The following SORCS2 variants were observed in gnomAD, a reference collection of about 807,000 sequenced individuals.
The protein encoded by SORCS2 is VPS10 domain-containing receptor SorCS2.
A neutral mutation model predicts 141.6 loss-of-function variants in SORCS2; 100 were observed. That is an observed-to-expected ratio of 0.71 (90% CI 0.60 to 0.83). The LOEUF (loss-of-function observed/expected upper bound fraction) is 0.83, where lower values mean the gene tolerates loss of function less well. Among genes scored for constraint, SORCS2 ranks in the 40% least tolerant of loss-of-function variants. SORCS2 has a pLI of 0.00. For synonymous variants in SORCS2, 789 were observed against 676.9 expected (o/e 1.17, Z -2.57); for missense variants, 1,646 against 1,560.2 (o/e 1.05, Z -0.93).
intron 2 of SORCS2, among the ~76,000 whole-genome samples, chr4:7,504,212 C>CT (rs1732146352): frequency 6.6e-6 from 1 of 152,222 alleles, no homozygotes; most frequent in Non-Finnish European, 1.5e-5. Flanking sequence ...AGCTCAAGCC[C>CT]TTTTCTCCTG....
intron 18 of SORCS2, among the ~76,000 whole-genome samples, chr4:7,720,531 C>T (rs191860018): frequency 2.0e-5 from 3 of 152,282 alleles, no homozygotes; most frequent in East Asian, 1.9e-4. Flanking sequence ...CAGCCACTTT[C>T]GCTCTGTGAA....
rs1242803363 is a variant in SORCS2 at position 7,740,332 on chromosome 4, C to A, written c.*68C>A. ...ACCACCAGCAAAGCCGGCGGCTGGACTGGCGCCCCTCAGAGACCTGCGGAA... is the reference window on the plus strand; with the variant it reads ...ACCACCAGCAAAGCCGGCGGCTGGAATGGCGCCCCTCAGAGACCTGCGGAA... On this transcript the variant is annotated 3_prime_UTR_variant, in exon 27 of 27. Coordinates refer to ENST00000507866, the MANE Select transcript of SORCS2 (RefSeq NM_020777.3). 11 of 1,445,458 alleles carry A rather than the reference C, an allele frequency of 7.6e-6. No homozygotes were observed. The African/African-American group carries it at 1.4e-4, about 18-fold the overall frequency. 89.5% of individuals were successfully genotyped at this position (1,445,458 alleles called of 1,614,324 possible).
chr4:7,579,553 C>A (rs554951494), intron 3 of SORCS2, among the ~76,000 whole-genome samples: 1 of 152,182 alleles, frequency 6.6e-6, no homozygotes, highest in Non-Finnish European at 1.5e-5. Context: ...TTTGGCTGCT[C>A]TCCTGGATTC....
At position 7,218,311 on chromosome 4, in the gene SORCS2, C is replaced by T. The variant is rs111763962; in HGVS notation, c.480+25185C>T. ...TGGATTCTAATCGCCTTCTTCTCCT[C>T]GATCACTTCAAGAATGGCCTCGGTA... is the stretch of plus-strand genomic sequence containing the variant. On this transcript the variant is annotated intron_variant, in intron 1 of 26. Transcript: ENST00000507866. Among the ~76,000 whole-genome samples the T allele has an allele frequency of 4.4e-3, 677 of 152,264 alleles. 10 individuals are homozygous for T. Among genetic ancestry groups the T allele is most frequent in the African/African-American group, 0.015 (634 of 41,536 alleles).
At chr4:7,433,893 AG>A (rs1356380694) in intron 2 of SORCS2, 1 of 1,613,826 alleles carries the variant, frequency 6.2e-7, no homozygotes, top group Non-Finnish European at 8.5e-7. Flanking sequence ...TGATAGAGGC[AG>A]GCATTACCGA....
chr4:7,559,784 A>G (rs1289290824), intron 3 of SORCS2, among the ~76,000 whole-genome samples: 1 of 152,224 alleles, frequency 6.6e-6, no homozygotes, highest in Non-Finnish European at 1.5e-5. Context: ...TACAAGATGA[A>G]CAAACGGCTC....
chr4:7,667,025 A>T lies in SORCS2; in HGVS notation c.1072-99A>T, dbSNP rs554336256. On this transcript the variant is annotated intron_variant, in intron 7 of 26. Transcript: ENST00000507866. The stretch of plus-strand genomic sequence containing the variant: ...ACAGGTAGAAGGAAAGTAAAAGGGC[A>T]TTTTCACTTGCTGAATATAACATGT... 1,820 of 1,086,610 alleles carry T rather than the reference A, an allele frequency of 1.7e-3. 3 individuals carry two copies. The highest frequency in any genetic ancestry group is 2.2e-3 in the Non-Finnish European group (1,553 of 717,268). The allele number at this position is 1,086,610 out of a possible 1,614,324, so 67.3% of individuals were successfully genotyped here. A position where few individuals can be genotyped will look rare whatever the true frequency, so the allele number is the denominator to read the frequency against.
intron 8 of SORCS2, among the ~76,000 whole-genome samples, chr4:7,674,534 A>G (rs1444488257): frequency 7.0e-6 from 1 of 142,430 alleles, no homozygotes; most frequent in African/African-American, 2.6e-5. Context: ...AGATTGCGCC[A>G]TTGCACTCCA....
intron 14 of SORCS2, among the ~76,000 whole-genome samples, chr4:7,710,674 T>C (rs2109031386): frequency 6.6e-6 from 1 of 152,246 alleles, no homozygotes; most frequent in East Asian, 1.9e-4. Context: ...GGCACCCTCA[T>C]CCCAATCACG....
chr4:7,424,487 C>CA (rs550606013), intron 2 of SORCS2, among the ~76,000 whole-genome samples: 2 of 152,194 alleles, frequency 1.3e-5, no homozygotes, highest in Non-Finnish European at 2.9e-5. Context: ...CGGGTCCACA[C>CA]AGTCCTCTGA....
chr4:7,461,324 T>C (rs1729294459), intron 2 of SORCS2, among the ~76,000 whole-genome samples: 1 of 152,128 alleles, frequency 6.6e-6, no homozygotes, highest in Admixed American at 6.5e-5. Flanking sequence ...CCTTCCCCTC[T>C]GCCTTTATCT....
At chr4:7,512,863 C>G (rs1732748633) in intron 2 of SORCS2, among the ~76,000 whole-genome samples, 1 of 152,142 alleles carries the variant, frequency 6.6e-6, no homozygotes, top group Non-Finnish European at 1.5e-5. Context: ...CAGCTTCCTT[C>G]CAAAGCCCAG....
At chr4:7,235,825 C>G (rs1451624640) in intron 1 of SORCS2, among the ~76,000 whole-genome samples, 1 of 152,150 alleles carries the variant, frequency 6.6e-6, no homozygotes, top group Admixed American at 6.5e-5. Flanking sequence ...GAGATGCCTC[C>G]CTTCTGGATT....
At chr4:7,630,006 C>T (rs1719776822) in intron 3 of SORCS2, among the ~76,000 whole-genome samples, 2 of 152,210 alleles carry the variant, frequency 1.3e-5, no homozygotes, top group Admixed American at 1.3e-4. Flanking sequence ...CTCCAGTTCT[C>T]CTACCTCTGC....
Position 7,729,703 on chromosome 4 carries a change from G to T in SORCS2, c.3099G>T (p.Ser1033=). The T allele has an allele frequency of 6.2e-7, 1 of 1,610,914 alleles. No individual in the cohort carries two copies. Among genetic ancestry groups the T allele is most frequent in the East Asian group, 2.2e-5 (1 of 44,764 alleles). The part of the protein sequence containing the change: ...PPRPTRKRSL[S]SDKRLAAIQQ... The stretch of plus-strand genomic sequence containing the variant: ...GGCCCACAAGGAAGAGGAGCCTCTC[G>T]AGTGATAAGGTATGTCCTGTGGCCG... The change falls in exon 23 of 27, where the codon TCG becomes TCT. Residue 1033 remains serine, a synonymous_variant. Coordinates refer to ENST00000507866, the MANE Select transcript of SORCS2 (RefSeq NM_020777.3).
intron 1 of SORCS2, among the ~76,000 whole-genome samples, chr4:7,367,104 GAGC>G (rs1204174296): frequency 6.6e-6 from 1 of 152,170 alleles, no homozygotes; most frequent in Non-Finnish European, 1.5e-5. Context: ...CCCCAAAGGG[GAGC>G]CCCGTGATGT....
At chr4:7,713,640 G>A (rs190132856) in intron 15 of SORCS2, among the ~76,000 whole-genome samples, 14 of 152,284 alleles carry the variant, frequency 9.2e-5, no homozygotes, top group South Asian at 2.1e-4. Context: ...AGTGGGGGAT[G>A]AGGAAGCCTA....
In SORCS2 at chr4:7,578,009, G is replaced by T. The variant is rs918750159; in HGVS notation, c.648+46380G>T. Among the ~76,000 whole-genome samples, 3 of 152,206 alleles carry T rather than the reference G, an allele frequency of 2.0e-5. No individual in the cohort carries two copies. The South Asian group carries it at 6.2e-4, about 31-fold the overall frequency. On this transcript the variant is annotated intron_variant, in intron 3 of 26. Transcript: ENST00000507866. ...AGATTATTTGTCCCTGCCAAAACTC[G>T]TGTTGAAATTTGGTGACCAAAGTGG... is the stretch of plus-strand genomic sequence containing the variant.
chr4:7,529,916 C>T (rs1215015946), intron 2 of SORCS2, among the ~76,000 whole-genome samples: 3 of 152,176 alleles, frequency 2.0e-5, no homozygotes, highest in South Asian at 2.1e-4. Flanking sequence ...TGAGGCCCCC[C>T]GCCATCCTGG....
Sources: gnomAD v4.1 joint callset for allele counts (sites outside exome capture counted in the v4.1 genomes callset) on GRCh38, gnomAD v4.1.1 for gene constraint, MANE v1.5 for transcripts, NCBI Gene and HGNC (gene_info 2026-07-23, HGNC 2026-07-21) for gene names.